NCKAP5: variants seen among roughly 807,000 people sequenced by gnomAD.
NCKAP5 encodes the protein nck-associated protein 5.
A neutral mutation model predicts 167.0 loss-of-function variants in NCKAP5; 92 were observed. The observed-to-expected ratio is 0.55, with a 90% CI of 0.47 to 0.66. The LOEUF (loss-of-function observed/expected upper bound fraction) is 0.66. Among genes scored for constraint, NCKAP5 ranks in the 30% least tolerant of loss-of-function variants. The probability of loss-of-function intolerance (pLI) is 0.00; values close to 1 mark genes in which losing one functional copy is unlikely to be tolerated. For missense variants in NCKAP5, 2,378 were observed against 2,315.0 expected (o/e 1.03, Z -0.56); for synonymous variants, 891 against 877.4 (o/e 1.02, Z -0.27).
chr2:133,639,267 T>C, the NCKAP5 span, among the ~76,000 whole-genome samples: 1 of 152,176 alleles, frequency 6.6e-6, no homozygotes, highest in Non-Finnish European at 1.5e-5. Context: ...GCAACCCCAA[T>C]AAATTTGATA....
intron 3 of NCKAP5, among the ~76,000 whole-genome samples, chr2:133,450,943 A>G (rs1691513022): frequency 6.6e-6 from 1 of 152,154 alleles, no homozygotes; most frequent in Non-Finnish European, 1.5e-5. Flanking sequence ...GGCAGAGAAA[A>G]ATATATTATT....
the NCKAP5 span, among the ~76,000 whole-genome samples, chr2:133,660,561 T>C: frequency 1.3e-5 from 2 of 152,322 alleles, no homozygotes; most frequent in South Asian, 2.1e-4. Flanking sequence ...GAATCATGAT[T>C]AAAAACACTT....
At chr2:133,185,718 C>T (rs928567793) in intron 5 of NCKAP5, among the ~76,000 whole-genome samples, 4 of 151,802 alleles carry the variant, frequency 2.6e-5, no homozygotes, top group African/African-American at 9.7e-5. Context: ...TTTTTTATGG[C>T]TATTTTGTAA....
chr2:133,151,037 A>T (rs2149886022), intron 5 of NCKAP5, among the ~76,000 whole-genome samples: 1 of 152,252 alleles, frequency 6.6e-6, no homozygotes, highest in Non-Finnish European at 1.5e-5. Context: ...ACTGAAGGGG[A>T]TTTGGTTTGG....
chr2:132,863,209 A>G (rs1264192232), intron 10 of NCKAP5, among the ~76,000 whole-genome samples: 1 of 152,136 alleles, frequency 6.6e-6, no homozygotes, highest in Non-Finnish European at 1.5e-5. Context: ...CTCTGCTCCC[A>G]AACACTAATT....
the NCKAP5 span, among the ~76,000 whole-genome samples, chr2:133,614,061 T>A: frequency 2.0e-5 from 3 of 151,786 alleles, no homozygotes; most frequent in Non-Finnish European, 4.4e-5. Flanking sequence ...CACTGTGAAC[T>A]TTGTCTCCAA....
intron 19 of NCKAP5, among the ~76,000 whole-genome samples, chr2:132,714,688 A>G (rs943410570): frequency 5.3e-5 from 8 of 152,088 alleles, no homozygotes; most frequent in Admixed American, 2.0e-4. Flanking sequence ...ATGGTGGCGC[A>G]TGCCTCTAAT....
chr2:132,942,102 A>G (rs1364692412), intron 8 of NCKAP5, among the ~76,000 whole-genome samples: 1 of 152,254 alleles, frequency 6.6e-6, no homozygotes, highest in African/African-American at 2.4e-5. Flanking sequence ...CTGAATATGT[A>G]TGATGCTTAA....
intron 4 of NCKAP5, among the ~76,000 whole-genome samples, chr2:133,299,537 AG>A (rs200547437): frequency 0.01 from 1,566 of 152,302 alleles, 26 homozygotes; most frequent in African/African-American, 0.036. Context: ...ACCTGAGGTC[AG>A]GAGTTCGAGA....
At chr2:133,624,088 G>A in the NCKAP5 span, among the ~76,000 whole-genome samples, 2 of 151,998 alleles carry the variant, frequency 1.3e-5, no homozygotes, top group Admixed American at 6.6e-5. Context: ...CTATGAGGAC[G>A]CAAAGGCATA....
chr2:133,671,272 A>G, the NCKAP5 span, among the ~76,000 whole-genome samples: 2 of 149,896 alleles, frequency 1.3e-5, no homozygotes, highest in Admixed American at 6.7e-5. Flanking sequence ...TTGGTGGAGG[A>G]GATGAGAGCA....
chr2:133,291,779 C>G (rs1679620065), intron 4 of NCKAP5, among the ~76,000 whole-genome samples: 1 of 152,206 alleles, frequency 6.6e-6, no homozygotes, highest in South Asian at 2.1e-4. Flanking sequence ...CACGCATGTT[C>G]TCCGCCCTGA....
chr2:133,059,789 C>T (rs1375567867), intron 6 of NCKAP5, among the ~76,000 whole-genome samples: 1 of 151,970 alleles, frequency 6.6e-6, no homozygotes, highest in African/African-American at 2.4e-5. Flanking sequence ...CTTTTATATG[C>T]ATGGAGAAAT....
chr2:133,609,073 A>G, the NCKAP5 span, among the ~76,000 whole-genome samples: 1 of 152,218 alleles, frequency 6.6e-6, no homozygotes, highest in Non-Finnish European at 1.5e-5. Flanking sequence ...ACTTTCCTTT[A>G]TGGCATCCAT....
chr2:133,473,941 G>T (rs979662235), intron 3 of NCKAP5, among the ~76,000 whole-genome samples: 1 of 152,126 alleles, frequency 6.6e-6, no homozygotes, highest in Admixed American at 6.5e-5. Flanking sequence ...AGTACTGTAT[G>T]ATCCAGCAAA....
intron 5 of NCKAP5, among the ~76,000 whole-genome samples, chr2:133,171,751 T>C (rs546390581): frequency 9.8e-5 from 15 of 152,338 alleles, no homozygotes; most frequent in Admixed American, 2.0e-4. Flanking sequence ...GTTCTCATAT[T>C]CTGCAACCAA....
At chr2:133,622,206 TC>T in the NCKAP5 span, among the ~76,000 whole-genome samples, 1 of 151,982 alleles carries the variant, frequency 6.6e-6, no homozygotes, top group Non-Finnish European at 1.5e-5. Flanking sequence ...TTGAAAGCAC[TC>T]CCCCTGAGAA....
intron 8 of NCKAP5, among the ~76,000 whole-genome samples, chr2:132,939,512 T>A (rs1278347674): frequency 6.6e-6 from 1 of 152,204 alleles, no homozygotes; most frequent in Non-Finnish European, 1.5e-5. Context: ...AGGGATTCTG[T>A]TTGTTCAAGT....
At chr2:133,586,981 C>T in the NCKAP5 span, among the ~76,000 whole-genome samples, 23 of 152,244 alleles carry the variant, frequency 1.5e-4, no homozygotes, top group Admixed American at 1.4e-3. Flanking sequence ...ATTGGACAGT[C>T]TATCTTTTAG....
Sources: gnomAD v4.1 joint callset for allele counts (sites outside exome capture counted in the v4.1 genomes callset) on GRCh38, gnomAD v4.1.1 for gene constraint, MANE v1.5 for transcripts, NCBI Gene and HGNC (gene_info 2026-07-23, HGNC 2026-07-21) for gene names.